HTR2C: variants seen among roughly 807,000 people sequenced by gnomAD.
HTR2C encodes the protein 5-hydroxytryptamine receptor 2C.
HTR2C carries 5 observed loss-of-function variants against 21.0 expected under a neutral mutation model. That is an observed-to-expected ratio of 0.24 (90% CI 0.12 to 0.50). The LOEUF is 0.50. Among genes scored for constraint, HTR2C ranks in the 20% least tolerant of loss-of-function variants. The probability of loss-of-function intolerance (pLI) is 0.98; values close to 1 mark genes in which losing one functional copy is unlikely to be tolerated. For synonymous variants in HTR2C, 150 were observed against 145.3 expected, an observed-to-expected ratio of 1.03 and a Z score of -0.23; for missense variants, 271 against 371.2, an observed-to-expected ratio of 0.73 and a Z score of 2.22.
intron 4 of HTR2C, among the ~76,000 whole-genome samples, chrX:114,826,570 T>C (rs370049621): frequency 3.6e-5 from 4 of 111,982 alleles, no homozygotes; most frequent in East Asian, 5.6e-4. Flanking sequence ...ACATGTCTTA[T>C]TATGTATATG....
chrX:114,707,704 G>T (rs1243166825), intron 2 of HTR2C, among the ~76,000 whole-genome samples: 1 of 110,291 alleles, frequency 9.1e-6, no homozygotes, highest in African/African-American at 3.3e-5. Flanking sequence ...ATTCCATATT[G>T]CAATTTATGA....
rs1354553744 is a variant in HTR2C, at chrX:114,806,335, TAC to T, written c.350-41665_350-41664del. 1.5e-3 allele frequency among the ~76,000 whole-genome samples: 139 copies of T among 92,930 alleles called. 1 individual carries two copies. Among genetic ancestry groups the T allele is most frequent in the African/African-American group, 5.3e-3 (134 of 25,376 alleles). The allele number at this position is 92,930 out of a possible 115,157, so 80.7% of individuals were successfully genotyped here. ...ACACTACATATATACACCATATATA[TAC>T]ACCATATATATACACACCATATATA... is the stretch of plus-strand genomic sequence containing the variant. On this transcript the variant is annotated intron_variant, in intron 4 of 5. Coordinates refer to ENST00000276198, the MANE Select transcript of HTR2C (RefSeq NM_000868.4).
intron 5 of HTR2C, among the ~76,000 whole-genome samples, chrX:114,861,736 T>A (rs2071008028): frequency 1.8e-5 from 2 of 111,350 alleles, no homozygotes; most frequent in South Asian, 7.4e-4. Context: ...GATTAATTGA[T>A]GTTGCGCACC....
chrX:114,649,278 G>A (rs1930468993), intron 2 of HTR2C, among the ~76,000 whole-genome samples: 1 of 112,300 alleles, frequency 8.9e-6, no homozygotes, highest in South Asian at 3.7e-4. Flanking sequence ...GATATTAATA[G>A]TTGGGAGCAG....
chrX:114,863,324 C>T (rs990845795), intron 5 of HTR2C, among the ~76,000 whole-genome samples: 14 of 111,219 alleles, frequency 1.3e-4, no homozygotes, highest in African/African-American at 4.2e-4. Context: ...TGTATGAGCA[C>T]TCCCCTTTGA....
At position 114,768,757 on chromosome X, in the gene HTR2C, T is replaced by C. The variant is rs781814082; in HGVS notation, c.349+37150T>C. 7.2e-5 allele frequency among the ~76,000 whole-genome samples: 8 copies of C among 111,744 alleles called. No individual in the cohort carries two copies. In the South Asian group the frequency reaches 1.1e-3, roughly 15 times the overall value. ...TACTCTGGGTTATTCAACTAAAAGTTTCATTTTCAGTGACTCATAATATTG... is the reference window on the plus strand; with the variant it reads ...TACTCTGGGTTATTCAACTAAAAGTCTCATTTTCAGTGACTCATAATATTG... On this transcript the variant is annotated intron_variant, in intron 4 of 5. Transcript: ENST00000276198.
At chrX:114,906,384 G>A (rs1162331598) in intron 5 of HTR2C, among the ~76,000 whole-genome samples, 2 of 111,625 alleles carry the variant, frequency 1.8e-5, no homozygotes, top group Admixed American at 9.5e-5. Flanking sequence ...TTAGGGAGAA[G>A]GCATTCCTAA....
chrX:114,630,468 T>G (rs1319230445), intron 2 of HTR2C, among the ~76,000 whole-genome samples: 1 of 112,045 alleles, frequency 8.9e-6, no homozygotes, highest in African/African-American at 3.2e-5. Context: ...CTAGACTCTT[T>G]GCAAGTTATT....
intron 4 of HTR2C, among the ~76,000 whole-genome samples, chrX:114,774,207 A>T (rs1413234907): frequency 8.9e-6 from 1 of 111,758 alleles, no homozygotes; most frequent in Non-Finnish European, 1.9e-5. Context: ...TATGTAAAAA[A>T]TAATGAACAA....
At chrX:114,633,165 A>G (rs782434426) in intron 2 of HTR2C, among the ~76,000 whole-genome samples, 1 of 111,677 alleles carries the variant, frequency 9.0e-6, no homozygotes, top group African/African-American at 3.2e-5. Context: ...TAAGGGAAGC[A>G]TGCTATTTTG....
intron 4 of HTR2C, among the ~76,000 whole-genome samples, chrX:114,792,157 C>T (rs932970873): frequency 9.0e-6 from 1 of 111,335 alleles, no homozygotes; most frequent in African/African-American, 3.3e-5. Context: ...ATGTGCAGAA[C>T]GTGCAAGTTT....
chrX:114,671,787 C>T (rs782812566), intron 2 of HTR2C, among the ~76,000 whole-genome samples: 2 of 111,828 alleles, frequency 1.8e-5, no homozygotes, highest in East Asian at 5.6e-4. Flanking sequence ...CAGTAATAGG[C>T]TGAGGCATTA....
At position 114,763,811 on chromosome X, in the gene HTR2C, T is replaced by A. The variant is rs2069907566; in HGVS notation, c.349+32204T>A. On this transcript the variant is annotated intron_variant, in intron 4 of 5. Coordinates refer to ENST00000276198, the MANE Select transcript of HTR2C (RefSeq NM_000868.4). Reference sequence around the variant, plus strand: ...ATTCTTGGAAATTCCCAGGCCCACATATCTTCACCTGTGAATCATTACTTT... The same window carrying A: ...ATTCTTGGAAATTCCCAGGCCCACAAATCTTCACCTGTGAATCATTACTTT... Among the ~76,000 whole-genome samples, 2 of 110,869 alleles carry A rather than the reference T, an allele frequency of 1.8e-5. 1 individual carries two copies. The highest frequency in any genetic ancestry group is 1.9e-4 in the Admixed American group (2 of 10,320).
intron 2 of HTR2C, among the ~76,000 whole-genome samples, chrX:114,682,433 CA>C (rs1931777466): frequency 9.0e-6 from 1 of 111,341 alleles, no homozygotes; most frequent in East Asian, 2.8e-4. Context: ...TGGGCGGCAA[CA>C]CATTAAAATT....
intron 4 of HTR2C, among the ~76,000 whole-genome samples, chrX:114,733,890 T>C (rs2069561794): frequency 9.0e-6 from 1 of 110,564 alleles, no homozygotes; most frequent in Non-Finnish European, 1.9e-5. Flanking sequence ...AATCAGAATA[T>C]GAGAATAGAA....
chrX:114,709,324 T>G (rs1466629469), intron 2 of HTR2C, among the ~76,000 whole-genome samples: 1 of 112,140 alleles, frequency 8.9e-6, no homozygotes, highest in Non-Finnish European at 1.9e-5. Context: ...GTAAATTATG[T>G]GAAATTCACA....
intron 4 of HTR2C, among the ~76,000 whole-genome samples, chrX:114,829,301 C>A (rs782363951): frequency 9.0e-6 from 1 of 111,131 alleles, no homozygotes; most frequent in Non-Finnish European, 1.9e-5. Flanking sequence ...ATTTATATTT[C>A]TCTAATGACT....
Position 114,806,672 on chromosome X carries a change from TATATATACACCAC to T in HTR2C, c.350-41318_350-41306del, listed in dbSNP as rs782500591. 5.4e-4 allele frequency among the ~76,000 whole-genome samples: 53 copies of T among 97,888 alleles called. 1 individual carries two copies. The East Asian group carries it at 0.015, about 28-fold the overall frequency. 85.0% of individuals were successfully genotyped at this position (97,888 alleles called of 115,157 possible). A position where few individuals can be genotyped will look rare whatever the true frequency, so the allele number is the denominator to read the frequency against. On this transcript the variant is annotated intron_variant, in intron 4 of 5. Transcript: ENST00000276198. ...TACCATATATATACACTATATATAC[TATATATACACCAC>T]ATATATACACCATATATACACACCA...
intron 1 of HTR2C, among the ~76,000 whole-genome samples, chrX:114,586,893 TC>T (rs1221829943): frequency 2.7e-5 from 3 of 111,142 alleles, no homozygotes; most frequent in African/African-American, 9.8e-5. Context: ...ATTAGATTTT[TC>T]CCCTCAATTT....
Sources: gnomAD v4.1 joint callset for allele counts (sites outside exome capture counted in the v4.1 genomes callset) on GRCh38, gnomAD v4.1.1 for gene constraint, MANE v1.5 for transcripts, NCBI Gene and HGNC (gene_info 2026-07-23, HGNC 2026-07-21) for gene names.